The following SMR3B variants were observed in gnomAD, a reference collection of about 807,000 sequenced individuals.
SMR3B encodes the protein submaxillary gland androgen-regulated protein 3B.
For missense variants in SMR3B, 114 were observed against 99.9 expected (o/e 1.14, Z -0.60); for synonymous variants, 42 against 36.1 (o/e 1.16, Z -0.59).
chr4:70,385,472 C>T (rs867929702), intron 2 of SMR3B, among the ~76,000 whole-genome samples: 5 of 146,908 alleles, frequency 3.4e-5, no homozygotes, highest in Non-Finnish European at 4.5e-5. Flanking sequence ...GGCGCGATCT[C>T]GGCTCACTGC....
rs752625615 is a variant in SMR3B at position 70,389,832 on chromosome 4, C to G, written c.224C>G (p.Pro75Arg). 1 of 1,613,808 alleles carries G rather than the reference C, an allele frequency of 6.2e-7. No individual in the cohort carries two copies. The highest frequency in any genetic ancestry group is 8.5e-7 in the Non-Finnish European group (1 of 1,179,892). Residue 75 changes from proline to arginine, a missense_variant, in exon 3 of 3, where the codon CCC becomes CGC. Pro to Arg is a moderately radical substitution (Grantham distance 103, BLOSUM62 -2). Coordinates refer to ENST00000304915, the MANE Select transcript of SMR3B (RefSeq NM_006685.4). ...TATGGTCCAGGGATATTTCCACCACCCCCTCCTCAACCCTAAGGTCCACCA... is the reference window on the plus strand; with the variant it reads ...TATGGTCCAGGGATATTTCCACCACGCCCTCCTCAACCCTAAGGTCCACCA... ...APYGPGIFPP[P>R]PPQP
At chr4:70,385,123 T>C (rs978715945) in intron 2 of SMR3B, 2 of 152,228 alleles carry the variant, frequency 1.3e-5, no homozygotes, top group Non-Finnish European at 2.9e-5. Context: ...AATGAGATAC[T>C]AAATATCATA....
In SMR3B at chr4:70,390,035, G is replaced by GT. The variant is rs1445730010; in HGVS notation, c.*188dup. On this transcript the variant is annotated 3_prime_UTR_variant, in exon 3 of 3. Coordinates refer to ENST00000304915, the MANE Select transcript of SMR3B (RefSeq NM_006685.4). ...CACCACAAAAGACACCACTACCCTT[G>GT]TAACTACTGCTTCTACTACCCAAAA... 1 of 1,161,696 alleles carries GT rather than the reference G, an allele frequency of 8.6e-7. No homozygotes were observed. The allele number at this position is 1,161,696 out of a possible 1,614,324, so 72.0% of individuals were successfully genotyped here.
intron 1 of SMR3B, among the ~76,000 whole-genome samples, chr4:70,384,015 C>CT (rs142616803): frequency 0.46 from 68,367 of 149,138 alleles, 15,851 homozygotes; most frequent in Admixed American, 0.51. Context: ...AGGGTGATTC[C>CT]TTTTTTTTTT....
At chr4:70,385,489 C>T (rs1283024995) in intron 2 of SMR3B, among the ~76,000 whole-genome samples, 1 of 151,242 alleles carries the variant, frequency 6.6e-6, no homozygotes, top group Non-Finnish European at 1.5e-5. Flanking sequence ...CTGCAAGCTC[C>T]GCCTCCCGGG....
intron 2 of SMR3B, among the ~76,000 whole-genome samples, chr4:70,388,210 TC>T (rs1416841340): frequency 6.6e-6 from 1 of 152,192 alleles, no homozygotes; most frequent in Non-Finnish European, 1.5e-5. Context: ...TTCATCATTT[TC>T]CTATCCAGAA....
chr4:70,388,969 A>G (rs970045724), intron 2 of SMR3B, among the ~76,000 whole-genome samples: 1 of 152,134 alleles, frequency 6.6e-6, no homozygotes, highest in Non-Finnish European at 1.5e-5. Flanking sequence ...TGCTCATTAT[A>G]TATATTTTTT....
chr4:70,390,183 A>G lies in SMR3B; in HGVS notation c.*335A>G. On this transcript the variant is annotated 3_prime_UTR_variant, in exon 3 of 3. Transcript: ENST00000304915. ...AAATAATCTTAGAAAGAAATTGTAG[A>G]AAAAACCCATGCAGACATAACATTT... The G allele has an allele frequency of 2.8e-5, 17 of 606,316 alleles. No individual in the cohort carries two copies. The South Asian group carries it at 3.2e-4, about 11-fold the overall frequency. The allele number at this position is 606,316 out of a possible 1,614,324, so 37.6% of individuals were successfully genotyped here. A position where few individuals can be genotyped will look rare whatever the true frequency, so the allele number is the denominator to read the frequency against.
At chr4:70,384,465 T>C (rs1481575645) in intron 1 of SMR3B, 32 bp from the exon 2 acceptor site, 1 of 1,587,360 alleles carries the variant, frequency 6.3e-7, no homozygotes. Context: ...TAAAAAACAA[T>C]CATACTGATC....
intron 2 of SMR3B, among the ~76,000 whole-genome samples, chr4:70,389,016 G>C (rs73824669): frequency 5.9e-5 from 9 of 152,192 alleles, no homozygotes; most frequent in Admixed American, 5.2e-4. Flanking sequence ...GAGAGCCTAC[G>C]TATTCAGAAA....
At chr4:70,388,166 C>T (rs1732696667) in intron 2 of SMR3B, among the ~76,000 whole-genome samples, 2 of 152,186 alleles carry the variant, frequency 1.3e-5, no homozygotes, top group South Asian at 4.1e-4. Flanking sequence ...CTTTAAGCCT[C>T]TTTTCAAATG....
At chr4:70,388,833 G>T (rs1732710298) in intron 2 of SMR3B, among the ~76,000 whole-genome samples, 1 of 152,100 alleles carries the variant, frequency 6.6e-6, no homozygotes, top group Admixed American at 6.6e-5. Flanking sequence ...AGTGTTCAAA[G>T]TCTGAACAGC....
Position 70,389,791 on chromosome 4 carries a change from T to G in SMR3B, c.183T>G (p.Pro61=). The G allele has an allele frequency of 6.2e-7, 1 of 1,613,596 alleles. No homozygotes were observed. The highest frequency in any genetic ancestry group is 1.1e-5 in the South Asian group (1 of 91,046). ...CCTATGGTCCAGGGAGAATCCCACC[T>G]CCTCCTCCCGCACCCTATGGTCCAG... is the stretch of plus-strand genomic sequence containing the variant. ...PPPYGPGRIP[P]PPPAPYGPGI... is the part of the protein sequence containing the mutation. Residue 61 remains proline (P), a synonymous_variant, in exon 3 of 3, where the codon CCT becomes CCG. Coordinates refer to ENST00000304915, the MANE Select transcript of SMR3B (RefSeq NM_006685.4).
chr4:70,390,000 G>T lies in SMR3B; in HGVS notation c.*152G>T. On this transcript the variant is annotated 3_prime_UTR_variant, in exon 3 of 3. Transcript: ENST00000304915. ...CCCCAAATATGAACAACTGCAGCAG[G>T]TGCCACCACCACCACAAAAGACACC... 1 of 1,469,506 alleles carries T rather than the reference G, an allele frequency of 6.8e-7. No homozygotes were observed. The allele number at this position is 1,469,506 out of a possible 1,614,324, so 91.0% of individuals were successfully genotyped here. A position where few individuals can be genotyped will look rare whatever the true frequency, so the allele number is the denominator to read the frequency against.
At position 70,390,179 on chromosome 4, in the gene SMR3B, G is replaced by T. The variant is rs1732738385; in HGVS notation, c.*331G>T. On this transcript the variant is annotated 3_prime_UTR_variant, in exon 3 of 3. Transcript: ENST00000304915. ...GGAGAAATAATCTTAGAAAGAAATTGTAGAAAAAACCCATGCAGACATAAC... is the reference window on the plus strand; with the variant it reads ...GGAGAAATAATCTTAGAAAGAAATTTTAGAAAAAACCCATGCAGACATAAC... 2 of 609,984 alleles carry T rather than the reference G, an allele frequency of 3.3e-6. No homozygotes were observed. The highest frequency in any genetic ancestry group is 2.9e-6 in the Non-Finnish European group (1 of 342,978). 37.8% of individuals were successfully genotyped at this position (609,984 alleles called of 1,614,324 possible).
chr4:70,388,752 G>T (rs1412626125), intron 2 of SMR3B, among the ~76,000 whole-genome samples: 1 of 152,060 alleles, frequency 6.6e-6, no homozygotes, highest in Non-Finnish European at 1.5e-5. Flanking sequence ...TGTAACCCTG[G>T]ATCCCCACCA....
chr4:70,389,555 T>C, intron 2 of SMR3B, 108 bp from the exon 3 acceptor site: 1 of 1,148,942 alleles, frequency 8.7e-7, no homozygotes, highest in Non-Finnish European at 1.2e-6. Flanking sequence ...CAGCAGGGAG[T>C]AGAAATCTTG....
At chr4:70,389,087 T>C (rs1732714084) in intron 2 of SMR3B, among the ~76,000 whole-genome samples, 1 of 152,184 alleles carries the variant, frequency 6.6e-6, no homozygotes, top group African/African-American at 2.4e-5. Flanking sequence ...TTAGATACAA[T>C]GTAATGGTTT....
intron 1 of SMR3B, 44 bp from the exon 2 acceptor site, chr4:70,384,453 A>G: frequency 6.3e-7 from 1 of 1,589,008 alleles, no homozygotes; most frequent in South Asian, 1.2e-5. Context: ...AGTACTTTTT[A>G]ATAAAAAACA....
Sources: allele counts gnomAD v4.1 joint callset (sites outside exome capture counted in the v4.1 genomes callset), GRCh38; gene constraint gnomAD v4.1.1; transcripts MANE v1.5; gene names NCBI Gene and HGNC (gene_info 2026-07-23, HGNC 2026-07-21).